PTPRT: variants seen among roughly 807,000 people sequenced by gnomAD.
PTPRT encodes receptor-type tyrosine-protein phosphatase T.
PTPRT carries 56 observed loss-of-function variants against 176.8 expected under a neutral mutation model. The observed-to-expected ratio is 0.32, with a 90% CI of 0.26 to 0.40. PTPRT has a LOEUF of 0.40. Ranked by LOEUF, PTPRT falls within the 10% of genes least tolerant of loss-of-function variation. PTPRT has a pLI of 1.00. For missense variants in PTPRT, 1,540 were observed against 1,908.2 expected, an observed-to-expected ratio of 0.81 and a Z score of 3.60; for synonymous variants, 783 against 739.0, an observed-to-expected ratio of 1.06 and a Z score of -0.96.
intron 6 of PTPRT, among the ~76,000 whole-genome samples, chr20:42,714,022 C>A (rs767661316): frequency 7.2e-5 from 11 of 152,146 alleles, no homozygotes; most frequent in Non-Finnish European, 1.3e-4. Flanking sequence ...TTCTTTATAG[C>A]AACGCAAGAA....
intron 17 of PTPRT, among the ~76,000 whole-genome samples, chr20:42,146,263 C>A (rs1484598754): frequency 6.6e-6 from 1 of 152,162 alleles, no homozygotes; most frequent in Non-Finnish European, 1.5e-5. Context: ...CAAAGCTGAT[C>A]TATTGAGGGT....
chr20:42,248,495 G>A (rs865948007), intron 14 of PTPRT, among the ~76,000 whole-genome samples, 192 bp downstream of exon 14: 2 of 152,132 alleles, frequency 1.3e-5, no homozygotes, highest in South Asian at 2.1e-4. Flanking sequence ...AGGACCACCT[G>A]CCAAACAGGC....
At chr20:42,654,866 A>T (rs2075096631) in intron 7 of PTPRT, among the ~76,000 whole-genome samples, 1 of 152,248 alleles carries the variant, frequency 6.6e-6, no homozygotes, top group Non-Finnish European at 1.5e-5. Context: ...AAAGCCCACT[A>T]ACATCAGGGC....
intron 6 of PTPRT, among the ~76,000 whole-genome samples, chr20:42,691,544 T>C (rs147134202): frequency 2.6e-5 from 4 of 152,258 alleles, no homozygotes; most frequent in South Asian, 2.1e-4. Flanking sequence ...GGCTTATCCA[T>C]AGAGCCTACT....
At chr20:42,200,363 A>G (rs897448350) in intron 15 of PTPRT, among the ~76,000 whole-genome samples, 2 of 152,234 alleles carry the variant, frequency 1.3e-5, no homozygotes, top group African/African-American at 4.8e-5. Flanking sequence ...TAAAATACAC[A>G]GAGCACAGTG....
intron 6 of PTPRT, among the ~76,000 whole-genome samples, chr20:42,707,886 T>C (rs189604232): frequency 1.5e-4 from 23 of 152,318 alleles, no homozygotes; most frequent in Admixed American, 2.6e-4. Flanking sequence ...TTGTGTTATA[T>C]TGAAGAGATT....
At chr20:42,214,742 C>G (rs1306666487) in intron 15 of PTPRT, among the ~76,000 whole-genome samples, 1 of 152,240 alleles carries the variant, frequency 6.6e-6, no homozygotes, top group African/African-American at 2.4e-5. Context: ...CTGCACCCAG[C>G]AGTGAAATCA....
intron 6 of PTPRT, among the ~76,000 whole-genome samples, chr20:42,722,838 G>A (rs1352433701): frequency 1.3e-5 from 2 of 152,182 alleles, no homozygotes; most frequent in East Asian, 1.9e-4. Flanking sequence ...ACAGATCTAT[G>A]TGCACAACAC....
At chr20:42,641,134 T>C (rs1227264765) in intron 7 of PTPRT, among the ~76,000 whole-genome samples, 3 of 152,188 alleles carry the variant, frequency 2.0e-5, no homozygotes, top group Admixed American at 1.3e-4. Flanking sequence ...TTGCCCTGCA[T>C]ATAGCATTTT....
chr20:42,354,763 C>T (rs1057036053), intron 9 of PTPRT, among the ~76,000 whole-genome samples: 3 of 152,226 alleles, frequency 2.0e-5, no homozygotes, highest in Non-Finnish European at 1.5e-5. Context: ...CAAAAATAAG[C>T]AATTTGCTGT....
At chr20:43,064,862 C>T (rs1406739292) in intron 1 of PTPRT, among the ~76,000 whole-genome samples, 1 of 152,178 alleles carries the variant, frequency 6.6e-6, no homozygotes, top group African/African-American at 2.4e-5. Context: ...CGATAAATCC[C>T]AACCCTTGGT....
intron 16 of PTPRT, among the ~76,000 whole-genome samples, chr20:42,169,395 G>A (rs1347337224): frequency 6.6e-6 from 1 of 152,036 alleles, no homozygotes; most frequent in African/African-American, 2.4e-5. Context: ...ACACCAGATG[G>A]AAGGATGGTG....
At chr20:42,179,231 T>C (rs1990417740) in intron 16 of PTPRT, among the ~76,000 whole-genome samples, 1 of 152,208 alleles carries the variant, frequency 6.6e-6, no homozygotes, top group African/African-American at 2.4e-5. Flanking sequence ...AGGAGTCCAG[T>C]CAAAATCTTC....
intron 1 of PTPRT, among the ~76,000 whole-genome samples, chr20:43,029,021 AG>A (rs1489185341): frequency 3.3e-5 from 5 of 152,180 alleles, no homozygotes; most frequent in Admixed American, 2.0e-4. Context: ...GCAGGAAAAG[AG>A]GAGAGTGGGC....
chr20:43,089,369 A>T (rs545867081), intron 1 of PTPRT, among the ~76,000 whole-genome samples: 163 of 152,332 alleles, frequency 1.1e-3, no homozygotes, highest in African/African-American at 3.9e-3. Context: ...AAAATCAGAA[A>T]ATAATTAAAC....
At chr20:42,908,905 C>T (rs906054584) in intron 1 of PTPRT, among the ~76,000 whole-genome samples, 2 of 152,064 alleles carry the variant, frequency 1.3e-5, no homozygotes, top group African/African-American at 4.8e-5. Context: ...GTTTATAATC[C>T]CAGCACTTTG....
chr20:42,068,726 C>T (rs1982187816), downstream of PTPRT, among the ~76,000 whole-genome samples: 1 of 152,200 alleles, frequency 6.6e-6, no homozygotes, highest in Admixed American at 6.5e-5. Flanking sequence ...GTCTTGTAAT[C>T]AGAGGAAATT....
At chr20:42,999,443 G>A (rs1984405581) in intron 1 of PTPRT, among the ~76,000 whole-genome samples, 1 of 152,010 alleles carries the variant, frequency 6.6e-6, no homozygotes. Flanking sequence ...TATAGTGGTG[G>A]GGGTGGGGAA....
rs11475084 is a variant in PTPRT, at chr20:42,911,976, C to CTT, written c.89-26046_89-26045dup. Among the ~76,000 whole-genome samples, 489 of 124,268 alleles carry CTT rather than the reference C, an allele frequency of 3.9e-3. 4 individuals are homozygous for CTT. The highest frequency in any genetic ancestry group is 0.014 in the East Asian group (61 of 4,372). 81.5% of individuals were successfully genotyped at this position (124,268 alleles called of 152,430 possible). ...AATTTACTAACCCAAATCCTCTTTT[C>CTT]TTTTTTTTTTTTTTTTTTGCTTTCA... On this transcript the variant is annotated intron_variant, in intron 1 of 30. Coordinates refer to ENST00000373187, the MANE Select transcript of PTPRT (RefSeq NM_007050.6).
Sources: allele counts gnomAD v4.1 joint callset (sites outside exome capture counted in the v4.1 genomes callset), GRCh38; gene constraint gnomAD v4.1.1; transcripts MANE v1.5; gene names NCBI Gene and HGNC (gene_info 2026-07-23, HGNC 2026-07-21).